The following LAMA5 variants were observed in gnomAD, a reference collection of about 807,000 sequenced individuals.
The protein encoded by LAMA5 is laminin subunit alpha-5.
In LAMA5, 260 loss-of-function variants were observed where a neutral mutation model predicts 433.4. The observed-to-expected ratio is 0.60, with a 90% CI of 0.54 to 0.66. The LOEUF (loss-of-function observed/expected upper bound fraction) is 0.66, where lower values mean the gene tolerates loss of function less well. LAMA5 is among the 30% of genes least tolerant of loss of function. LAMA5 has a pLI of 0.00. For missense variants in LAMA5, 5,378 were observed against 5,258.5 expected (o/e 1.02, Z -0.70); for synonymous variants, 2,620 against 2,226.6 (o/e 1.18, Z -4.97).
At chr20:62,336,700 C>T (rs1222387384) in intron 17 of LAMA5, 34 bp downstream of exon 17, 1 of 1,611,506 alleles carries the variant, frequency 6.2e-7, no homozygotes, top group Admixed American at 1.7e-5. Flanking sequence ...TGGGTCCTCA[C>T]CCATCTCCCA....
Position 62,316,671 on chromosome 20 carries a change from C to G in LAMA5, c.7756G>C (p.Val2586Leu). The G allele has an allele frequency of 1.3e-6, 2 of 1,587,362 alleles. No homozygotes were observed. The highest frequency in any genetic ancestry group is 1.7e-6 in the Non-Finnish European group (2 of 1,163,574). The part of the protein sequence containing the change: ...MLQEQQRLGL[V>L]WAALQGARTQ... The stretch of plus-strand genomic sequence containing the variant: ...GCCCCCATCGGAGCCCAGCACTCAC[C>G]AAGGCCCAGCCTCTGCTGTTCCTGG... Residue 2586 changes from valine to leucine, a missense_variant and splice_region_variant, in exon 57 of 80, where the codon GTG becomes CTG. Val to Leu is a conservative substitution (Grantham distance 32). Coordinates refer to ENST00000252999, the MANE Select transcript of LAMA5 (RefSeq NM_005560.6).
chr20:62,354,981 T>A (rs1348537756), intron 2 of LAMA5, among the ~76,000 whole-genome samples: 1 of 152,140 alleles, frequency 6.6e-6, no homozygotes, highest in African/African-American at 2.4e-5. Flanking sequence ...GAGAGGCAAC[T>A]CATGGACCCA....
intron 31 of LAMA5, 86 bp downstream of exon 31, chr20:62,330,402 G>A: frequency 1.4e-6 from 2 of 1,428,054 alleles, no homozygotes; most frequent in Admixed American, 5.6e-5. Context: ...GTCGCTCATA[G>A]CAGGTAGCAC....
Position 62,327,407 on chromosome 20 carries a change from C to G in LAMA5, c.4939-1G>C. 8 of 1,587,632 alleles carry G rather than the reference C, an allele frequency of 5.0e-6. No individual in the cohort carries two copies. The highest frequency in any genetic ancestry group is 6.9e-6 in the Non-Finnish European group (8 of 1,165,590). On this transcript the variant is annotated splice_acceptor_variant, in intron 37 of 79. Coordinates refer to ENST00000252999, the MANE Select transcript of LAMA5 (RefSeq NM_005560.6). LOFTEE classifies it high-confidence loss of function. Reference sequence around the variant, plus strand: ...GCACCCATCCCTCCATATCCACGAACTGTGGGCACACACGTGTGGCTGCAC... The same window carrying G: ...GCACCCATCCCTCCATATCCACGAAGTGTGGGCACACACGTGTGGCTGCAC...
chr20:62,315,356 C>T (rs1986828511), intron 58 of LAMA5, 149 bp from the exon 59 acceptor site: 3 of 673,206 alleles, frequency 4.5e-6, no homozygotes, highest in Admixed American at 3.2e-5. Context: ...CAGTGCAATC[C>T]AAACCCATCC....
chr20:62,311,372 C>T, intron 72 of LAMA5, 29 bp downstream of exon 72: 1 of 1,530,744 alleles, frequency 6.5e-7, no homozygotes, highest in Non-Finnish European at 8.8e-7. Flanking sequence ...GCCACCCCAG[C>T]TCTGCCTGCT....
At position 62,360,000 on chromosome 20, in the gene LAMA5, G is replaced by A. The variant is rs1985791075; in HGVS notation, c.450+2400C>T. On this transcript the variant is annotated intron_variant, in intron 2 of 79. Coordinates refer to ENST00000252999, the MANE Select transcript of LAMA5 (RefSeq NM_005560.6). This position sits in a 1 kb window ranked among gnomAD's most constrained non-coding sequence, Gnocchi z 4.3. ...GAACAAAGGCTGCTGGCAGCCCGCT[G>A]CAGGGGGAGTGCCCGGACCCACCCG... is the stretch of plus-strand genomic sequence containing the variant. Among the ~76,000 whole-genome samples the A allele has an allele frequency of 6.7e-6, 1 of 149,430 alleles. No individual in the cohort carries two copies. Among genetic ancestry groups the A allele is most frequent in the African/African-American group, 2.5e-5 (1 of 40,290 alleles).
At chr20:62,317,272 C>A (rs1022346774) in intron 55 of LAMA5, 73 bp downstream of exon 55, 3 of 1,428,164 alleles carry the variant, frequency 2.1e-6, no homozygotes, top group East Asian at 5.1e-5. Flanking sequence ...CCTTCCCAGA[C>A]CAGCTGGCCC....
chr20:62,330,311 A>G (rs914579674), intron 31 of LAMA5, among the ~76,000 whole-genome samples, 177 bp downstream of exon 31: 1 of 152,248 alleles, frequency 6.6e-6, no homozygotes, highest in East Asian at 1.9e-4. Context: ...CTTTTCTGGG[A>G]ACGGGAGCGG....
intron 34 of LAMA5, 68 bp downstream of exon 34, chr20:62,328,776 C>A: frequency 6.9e-7 from 1 of 1,456,928 alleles, no homozygotes; most frequent in South Asian, 1.2e-5. Flanking sequence ...GCTTTCTGGT[C>A]GACCCGTCCA....
chr20:62,346,845 C>A lies in LAMA5; in HGVS notation c.1073-45G>T, dbSNP rs193147519. 4.2e-4 allele frequency: 681 copies of A among 1,606,626 alleles called. 7 individuals are homozygous for A. In the East Asian group the frequency reaches 0.015, roughly 35 times the overall value. On this transcript the variant is annotated intron_variant, in intron 7 of 79. Transcript: ENST00000252999. ...GCTGTTGGCACGCCCTCCACAGGCC[C>A]GGGCACCGGGGCCCTCTCATGGGCC...
intron 54 of LAMA5, 49 bp downstream of exon 54, chr20:62,317,613 G>A (rs370227665): frequency 4.1e-5 from 63 of 1,519,302 alleles, no homozygotes; most frequent in African/African-American, 3.7e-4. Flanking sequence ...GGCCTGGGAG[G>A]GAGTTGGCCG....
intron 2 of LAMA5, among the ~76,000 whole-genome samples, chr20:62,360,869 G>T (rs139314937): frequency 6.6e-6 from 1 of 152,078 alleles, no homozygotes; most frequent in Admixed American, 6.5e-5. Flanking sequence ...CACCGAGGCC[G>T]AGAGAGCCCC....
intron 11 of LAMA5, among the ~76,000 whole-genome samples, chr20:62,340,485 AT>A (rs1425942466): frequency 2.0e-5 from 3 of 150,986 alleles, no homozygotes; most frequent in Non-Finnish European, 4.4e-5. Context: ...CTTATTTTGT[AT>A]TTTTAGTAGA....
In LAMA5 at chr20:62,346,167, G is replaced by T. The variant is rs765412212; in HGVS notation, c.1331C>A (p.Thr444Lys). The T allele has an allele frequency of 3.7e-6, 6 of 1,612,714 alleles. No homozygotes were observed. The highest frequency in any genetic ancestry group is 2.7e-5 in the African/African-American group (2 of 74,928). Residue 444 changes from threonine (T) to lysine (K), a missense_variant, in exon 10 of 80, where the codon ACG becomes AAG. Coordinates refer to ENST00000252999, the MANE Select transcript of LAMA5 (RefSeq NM_005560.6). ...GTTGGGCCGGCAGTAGCATCGACCC[G>T]TCAGGTCCTCGCAGGTGCCATCCGT... is the stretch of plus-strand genomic sequence containing the variant. ...DFTDGTCEDL[T>K]GRCYCRPNFS...
At chr20:62,325,653 A>C in intron 40 of LAMA5, 107 bp from the exon 41 acceptor site, 4 of 690,788 alleles carry the variant, frequency 5.8e-6, no homozygotes, top group African/African-American at 1.8e-5. Context: ...CACAAAGACC[A>C]TGGGGCAGGA....
In LAMA5 at chr20:62,352,461, C is replaced by G; in HGVS notation, c.569-101G>C. 1.4e-5 allele frequency: 12 copies of G among 850,394 alleles called. No individual in the cohort carries two copies. In the South Asian group the frequency reaches 1.8e-4, roughly 13 times the overall value. 52.7% of individuals were successfully genotyped at this position (850,394 alleles called of 1,614,324 possible). On this transcript the variant is annotated intron_variant, in intron 3 of 79. Transcript: ENST00000252999. Reference sequence around the variant, plus strand: ...ACGTCTCCGGGCCTTGCCACTGAGGCTCCCACAGGCCAAGAGGCCGCGTGA... The same window carrying G: ...ACGTCTCCGGGCCTTGCCACTGAGGGTCCCACAGGCCAAGAGGCCGCGTGA...
rs1163583698 is a variant in LAMA5, at chr20:62,322,729, C to T, written c.6094G>A (p.Ala2032Thr). The change falls in exon 46 of 80, where the codon GCC becomes ACC. Residue 2032 changes from alanine to threonine, a missense_variant. Ala to Thr is a moderately conservative substitution (Grantham distance 58). Coordinates refer to ENST00000252999, the MANE Select transcript of LAMA5 (RefSeq NM_005560.6). ...CAGTGCCCGCTGTGGGGGTCGCAGG[C>T]CTCTGTCCCACATGGGGTACAGTCG... The part of the protein sequence containing the change: ...RCDCTPCGTE[A>T]CDPHSGHCLC... 2.0e-6 allele frequency: 3 copies of T among 1,529,806 alleles called. No homozygotes were observed. In the African/African-American group the frequency reaches 4.1e-5, roughly 21 times the overall value. The allele number at this position is 1,529,806 out of a possible 1,614,324, so 94.8% of individuals were successfully genotyped here.
At chr20:62,321,758 G>GGCCA (rs1987835839) in intron 48 of LAMA5, among the ~76,000 whole-genome samples, 2 of 143,896 alleles carry the variant, frequency 1.4e-5, no homozygotes, top group African/African-American at 2.6e-5. Flanking sequence ...GGAGGGGTGG[G>GGCCA]GTCAGTGGGG....
Sources: gnomAD v4.1 joint callset for allele counts (sites outside exome capture counted in the v4.1 genomes callset) on GRCh38, gnomAD v4.1.1 for gene constraint, Gnocchi (gnomAD v3.1) non-coding constraint, MANE v1.5 for transcripts, NCBI Gene and HGNC (gene_info 2026-07-23, HGNC 2026-07-21) for gene names.